CHL1: variants seen among roughly 807,000 people sequenced by gnomAD.
The protein encoded by CHL1 is cell adhesion molecule L1 like, also known as neural cell adhesion molecule L1-like protein.
A neutral mutation model predicts 141.9 loss-of-function variants in CHL1; 96 were observed. The ratio of observed to expected loss-of-function variants is 0.68; its 90% CI spans 0.57 to 0.80. CHL1 has a LOEUF of 0.80. Among genes scored for constraint, CHL1 ranks in the 30% least tolerant of loss-of-function variants. CHL1 has a pLI of 0.00. For synonymous variants in CHL1, 613 were observed against 502.2 expected (o/e 1.22, Z -2.95); for missense variants, 1,820 against 1,457.2 (o/e 1.25, Z -4.05).
chr3:297,782 C>G (rs1049592726), intron 2 of CHL1, among the ~76,000 whole-genome samples: 3 of 152,158 alleles, frequency 2.0e-5, no homozygotes, highest in Admixed American at 6.5e-5. Flanking sequence ...CCGTTCTTGC[C>G]TCATCTCTGC....
At chr3:233,062 T>G (rs566494391) in intron 1 of CHL1, among the ~76,000 whole-genome samples, 1 of 152,166 alleles carries the variant, frequency 6.6e-6, no homozygotes, top group African/African-American at 2.4e-5. Context: ...CTTGAAACCT[T>G]AAAGGTATCT....
intron 15 of CHL1, among the ~76,000 whole-genome samples, chr3:377,098 GA>G (rs1415933315): frequency 6.6e-6 from 1 of 152,112 alleles, no homozygotes; most frequent in African/African-American, 2.4e-5. Flanking sequence ...TACGGAACTT[GA>G]AAAATACTTT....
intron 26 of CHL1, among the ~76,000 whole-genome samples, chr3:399,963 T>A (rs1246086942): frequency 6.6e-6 from 1 of 152,248 alleles, no homozygotes; most frequent in African/African-American, 2.4e-5. Flanking sequence ...ATACATAAGA[T>A]ATACATGAAA....
At chr3:374,265 C>T (rs1706016940) in intron 15 of CHL1, among the ~76,000 whole-genome samples, 1 of 152,092 alleles carries the variant, frequency 6.6e-6, no homozygotes, top group African/African-American at 2.4e-5. Flanking sequence ...GTATTACAAC[C>T]AGTTCTCATT....
intron 2 of CHL1, among the ~76,000 whole-genome samples, chr3:282,952 G>T (rs1041447838): frequency 6.6e-6 from 1 of 152,186 alleles, no homozygotes; most frequent in Non-Finnish European, 1.5e-5. Context: ...TTGATTTTGT[G>T]TCCAGGGATC....
At chr3:333,663 T>C (rs944561775) in intron 5 of CHL1, among the ~76,000 whole-genome samples, 1 of 152,160 alleles carries the variant, frequency 6.6e-6, no homozygotes, top group African/African-American at 2.4e-5. Flanking sequence ...CACCAGCCAC[T>C]TTCTAGTAAT....
chr3:237,543 G>A (rs938472786), intron 1 of CHL1, among the ~76,000 whole-genome samples: 2 of 152,190 alleles, frequency 1.3e-5, no homozygotes, highest in Non-Finnish European at 2.9e-5. Context: ...TATTTTAGAT[G>A]AGTGATGCAA....
At chr3:224,713 TC>T (rs1246125148) in intron 1 of CHL1, among the ~76,000 whole-genome samples, 1 of 152,212 alleles carries the variant, frequency 6.6e-6, no homozygotes, top group Non-Finnish European at 1.5e-5. Context: ...TTACCCGGTC[TC>T]AGGTATTTCT....
At chr3:255,239 T>G (rs1271699458) in intron 2 of CHL1, among the ~76,000 whole-genome samples, 2 of 152,218 alleles carry the variant, frequency 1.3e-5, no homozygotes, top group Non-Finnish European at 2.9e-5. Context: ...ATGCAGTTAG[T>G]CAGTTGTTTG....
intron 2 of CHL1, among the ~76,000 whole-genome samples, chr3:285,347 A>T (rs1697033242): frequency 6.6e-6 from 1 of 152,190 alleles, no homozygotes; most frequent in Non-Finnish European, 1.5e-5. Context: ...TTCTCTATAA[A>T]ATGCCAATGG....
chr3:315,358 T>C (rs936119935), intron 2 of CHL1, among the ~76,000 whole-genome samples: 10 of 152,138 alleles, frequency 6.6e-5, no homozygotes, highest in Non-Finnish European at 1.2e-4. Flanking sequence ...CATCACTTTG[T>C]CATGTGACCA....
chr3:342,758 C>T (rs1021600781), intron 7 of CHL1, among the ~76,000 whole-genome samples: 31 of 152,092 alleles, frequency 2.0e-4, no homozygotes, highest in African/African-American at 7.5e-4. Flanking sequence ...AGCCTCAGTT[C>T]TCTTCAGTGG....
At chr3:388,762 T>G (rs1276624842) in intron 19 of CHL1, among the ~76,000 whole-genome samples, 2 of 152,178 alleles carry the variant, frequency 1.3e-5, no homozygotes, top group South Asian at 4.1e-4. Flanking sequence ...ATCTCTCTCT[T>G]CTTATAGAAG....
chr3:301,547 G>C (rs931111946), intron 2 of CHL1, among the ~76,000 whole-genome samples: 5 of 152,156 alleles, frequency 3.3e-5, no homozygotes, highest in African/African-American at 1.2e-4. Context: ...TGGTTGCTCA[G>C]AGAAGGTATT....
At chr3:404,782 T>C (rs1418690940) in intron 27 of CHL1, among the ~76,000 whole-genome samples, 2 of 152,176 alleles carry the variant, frequency 1.3e-5, no homozygotes, top group Non-Finnish European at 2.9e-5. Context: ...CAAAAGTTCA[T>C]GACAGCAAGG....
intron 1 of CHL1, among the ~76,000 whole-genome samples, chr3:218,470 T>C (rs1700527592): frequency 2.0e-5 from 3 of 152,218 alleles, no homozygotes; most frequent in Admixed American, 2.0e-4. Flanking sequence ...AGAGAAGATG[T>C]TACCCACATC....
chr3:271,112 A>G (rs1348691183), intron 2 of CHL1, among the ~76,000 whole-genome samples: 2 of 152,184 alleles, frequency 1.3e-5, no homozygotes, highest in African/African-American at 2.4e-5. Flanking sequence ...AGCCAAAAAT[A>G]CTGCTCCAAT....
intron 24 of CHL1, among the ~76,000 whole-genome samples, chr3:397,205 C>G (rs1278171053): frequency 2.0e-5 from 3 of 152,202 alleles, no homozygotes; most frequent in African/African-American, 4.8e-5. Flanking sequence ...ATACTAATAT[C>G]TCTGTTTTTC....
At chr3:389,104 T>C in intron 19 of CHL1, 148 bp from the exon 20 acceptor site, 1 of 680,394 alleles carries the variant, frequency 1.5e-6, no homozygotes, top group Non-Finnish European at 2.5e-6. Flanking sequence ...TTTTCACAAC[T>C]GTCTCTAAAC....
Sources: gnomAD v4.1 joint callset for allele counts (sites outside exome capture counted in the v4.1 genomes callset) on GRCh38, gnomAD v4.1.1 for gene constraint, MANE v1.5 for transcripts, NCBI Gene and HGNC (gene_info 2026-07-23, HGNC 2026-07-21) for gene names.